SRA1: variants seen among roughly 807,000 people sequenced by gnomAD.
SRA1 encodes lncRNA SRA.
In SRA1, 25 loss-of-function variants were observed where a neutral mutation model predicts 24.3. That is an observed-to-expected ratio of 1.03 (90% CI 0.75 to 1.43). The LOEUF is 1.43. Among genes scored for constraint, SRA1 ranks in the 40% most tolerant of loss-of-function variants. SRA1 has a pLI of 0.00. For synonymous variants in SRA1, 104 were observed against 109.5 expected (o/e 0.95, Z 0.31); for missense variants, 303 against 286.6 (o/e 1.06, Z -0.41).
Position 140,550,628 on chromosome 5 carries a change from A to T in SRA1, c.*72T>A, listed in dbSNP as rs531756436. On this transcript the variant is annotated 3_prime_UTR_variant, in exon 5 of 5. Coordinates refer to ENST00000336283, the MANE Select transcript of SRA1 (RefSeq NM_001035235.4). ...CAGTGGGACAGTCTTGGTGGTGGTA[A>T]GAAGGGAGCCAAGTGACAGAAGGTC... 1 of 1,478,442 alleles carries T rather than the reference A, an allele frequency of 6.8e-7. No individual in the cohort carries two copies. Among genetic ancestry groups the T allele is most frequent in the African/African-American group, 1.4e-5 (1 of 71,872 alleles). 91.6% of individuals were successfully genotyped at this position (1,478,442 alleles called of 1,614,324 possible). A position where few individuals can be genotyped will look rare whatever the true frequency, so the allele number is the denominator to read the frequency against.
At chr5:140,557,657 T>G, upstream of SRA1, 4 of 617,536 alleles carry the variant, frequency 6.5e-6, no homozygotes, top group Non-Finnish European at 1.1e-5. Flanking sequence ...ATCAGGGCCC[T>G]GGTCACAAGG....
At position 140,550,438 on chromosome 5, in the gene SRA1, A is replaced by C; in HGVS notation, c.*262T>G. The C allele has an allele frequency of 1.9e-6, 1 of 535,932 alleles. No individual in the cohort carries two copies. The highest frequency in any genetic ancestry group is 3.3e-5 in the East Asian group (1 of 30,724). 33.2% of individuals were successfully genotyped at this position (535,932 alleles called of 1,614,324 possible). A position where few individuals can be genotyped will look rare whatever the true frequency, so the allele number is the denominator to read the frequency against. On this transcript the variant is annotated 3_prime_UTR_variant, in exon 5 of 5. Transcript: ENST00000336283. ...AGAGGTTTGCAGATACACAGGGAGC[A>C]GGGCAGTCGAGGACACCAGAGGGGA...
chr5:140,552,015 T>C lies in SRA1; in HGVS notation c.321A>G (p.Glu107=), dbSNP rs1754572795. ...AVMEDVLRPL[E]QALEDCRGHT... ...GGCCACGGCAGTCTTCCAATGCCTG[T>C]TCCAAAGGTCTCAGCACATCCTCCA... Residue 107 remains glutamate, a synonymous_variant, in exon 3 of 5, where the codon GAA becomes GAG. Coordinates refer to ENST00000336283, the MANE Select transcript of SRA1 (RefSeq NM_001035235.4). 1 of 1,611,272 alleles carries C rather than the reference T, an allele frequency of 6.2e-7. No individual in the cohort carries two copies. Among genetic ancestry groups the C allele is most frequent in the East Asian group, 2.2e-5 (1 of 44,642 alleles).
Position 140,552,345 on chromosome 5 carries a change from C to T in SRA1, c.152-161G>A, listed in dbSNP as rs801460. On this transcript the variant is annotated intron_variant, in intron 2 of 4. Transcript: ENST00000336283. Reference sequence around the variant, plus strand: ...TCTACGCCAGACAATATGCTAGGCACTAAAGATTAGAAAAGTAAACCAGGT... The same window carrying T: ...TCTACGCCAGACAATATGCTAGGCATTAAAGATTAGAAAAGTAAACCAGGT... 0.41 allele frequency among the ~76,000 whole-genome samples: 61,696 copies of T among 152,036 alleles called. 13,324 individuals carry two copies. Among genetic ancestry groups the T allele is most frequent in the East Asian group, 0.55 (2,871 of 5,186 alleles).
chr5:140,556,152 CAAAG>C (rs1397444936), intron 2 of SRA1, among the ~76,000 whole-genome samples: 2 of 152,240 alleles, frequency 1.3e-5, no homozygotes, highest in Non-Finnish European at 2.9e-5. Flanking sequence ...AAGTCCCTCA[CAAAG>C]AATTATCTGG....
At chr5:140,551,434 T>C in intron 3 of SRA1, 3 of 403,544 alleles carry the variant, frequency 7.4e-6, no homozygotes, top group South Asian at 4.6e-5. Context: ...CCAGTCTTCC[T>C]AACCCACCTC....
chr5:140,553,571 G>T (rs1386393594), intron 2 of SRA1, among the ~76,000 whole-genome samples: 1 of 152,190 alleles, frequency 6.6e-6, no homozygotes, highest in Non-Finnish European at 1.5e-5. Context: ...GGTAAGCAGA[G>T]GGTCCAGACC....
intron 3 of SRA1, chr5:140,551,781 T>C: frequency 2.0e-6 from 1 of 510,300 alleles, no homozygotes; most frequent in Non-Finnish European, 3.5e-6. Flanking sequence ...CTTCTACTGA[T>C]TGGTCTTCAA....
chr5:140,557,796 C>G, upstream of SRA1: 1 of 454,020 alleles, frequency 2.2e-6, no homozygotes, highest in Non-Finnish European at 3.9e-6. Context: ...ACTTCTACAG[C>G]CTCCTCTTGC....
intron 2 of SRA1, among the ~76,000 whole-genome samples, 181 bp from the exon 3 acceptor site, chr5:140,552,365 C>A (rs994635541): frequency 6.6e-6 from 1 of 152,136 alleles, no homozygotes; most frequent in Non-Finnish European, 1.5e-5. Flanking sequence ...GAAAAGTAAA[C>A]CAGGTGGCCG....
chr5:140,551,274 C>T, intron 3 of SRA1, 105 bp from the exon 4 acceptor site: 2 of 794,162 alleles, frequency 2.5e-6, no homozygotes, highest in East Asian at 2.6e-5. Flanking sequence ...CTGGCCCACA[C>T]TTTAGAATTC....
At chr5:140,553,983 A>G (rs1754627464) in intron 2 of SRA1, among the ~76,000 whole-genome samples, 1 of 152,192 alleles carries the variant, frequency 6.6e-6, no homozygotes, top group South Asian at 2.1e-4. Flanking sequence ...AACATCCACA[A>G]GGATGATTAA....
chr5:140,556,930 G>GA (rs1754720790), intron 2 of SRA1, among the ~76,000 whole-genome samples: 2 of 152,188 alleles, frequency 1.3e-5, no homozygotes, highest in African/African-American at 4.8e-5. Context: ...CATCTAGGAT[G>GA]AAAAAATAGT....
In SRA1 at chr5:140,550,791, C is replaced by CTTT; in HGVS notation, c.583_584insAAA (p.Arg194_Ser195insLys). The CTTT allele has an allele frequency of 6.2e-7, 1 of 1,614,138 alleles. No individual in the cohort carries two copies. The highest frequency in any genetic ancestry group is 2.2e-5 in the East Asian group (1 of 44,888). The stretch of plus-strand genomic sequence containing the variant: ...ATTGGCTGCCTCCTCTGAAAACAGA[C>CTTT]TCCTCTTTTCTGCAATTAATCTTTT... On this transcript the variant is annotated inframe_insertion, in exon 5 of 5. Coordinates refer to ENST00000336283, the MANE Select transcript of SRA1 (RefSeq NM_001035235.4).
At chr5:140,550,992 G>A (rs1385715225) in intron 4 of SRA1, 69 bp downstream of exon 4, 2 of 1,576,182 alleles carry the variant, frequency 1.3e-6, no homozygotes, top group Non-Finnish European at 1.7e-6. Flanking sequence ...CAAAATCTCA[G>A]CACCTGCTCC....
chr5:140,557,189 G>A lies in SRA1; in HGVS notation c.109C>T (p.Leu37Phe). 6.2e-7 allele frequency: 1 copy of A among 1,611,716 alleles called. No individual in the cohort carries two copies. Among genetic ancestry groups the A allele is most frequent in the Non-Finnish European group, 8.5e-7 (1 of 1,179,350 alleles). The change falls in exon 2 of 5, where the codon CTT becomes TTT. Residue 37 changes from leucine to phenylalanine, a missense_variant. Coordinates refer to ENST00000336283, the MANE Select transcript of SRA1 (RefSeq NM_001035235.4). ...TQAGGPRRSL[L>F]TKRVAAPQDG... ...TGGGGTGCGGCGACCCTCTTGGTAA[G>A]CAGCGAGCGCCTGGGTCCGCCGGCC... is the stretch of plus-strand genomic sequence containing the variant.
chr5:140,557,535 C>T (rs571026874), upstream of SRA1: 2 of 1,480,180 alleles, frequency 1.4e-6, no homozygotes, highest in Admixed American at 2.3e-5. Flanking sequence ...CGTCCAGGGC[C>T]AGGCGGGTTG....
rs761255107 is a variant in SRA1 at position 140,551,967 on chromosome 5, T to C, written c.354+15A>G. On this transcript the variant is annotated intron_variant, in intron 3 of 4. Transcript: ENST00000336283. ...GATGGGAGCCCTCTCTAACCTCTGA[T>C]GTGCCAGAGCTTACCCTTGTGTGGC... The C allele has an allele frequency of 5.8e-5, 93 of 1,611,338 alleles. No homozygotes were observed. Among genetic ancestry groups the C allele is most frequent in the Non-Finnish European group, 7.3e-5 (86 of 1,178,208 alleles).
chr5:140,554,310 A>G (rs1011910230), intron 2 of SRA1, among the ~76,000 whole-genome samples: 3 of 152,146 alleles, frequency 2.0e-5, no homozygotes, highest in African/African-American at 7.2e-5. Context: ...AAGGTACCAA[A>G]TACTGCCTGG....
Sources: allele counts gnomAD v4.1 joint callset (sites outside exome capture counted in the v4.1 genomes callset), GRCh38; gene constraint gnomAD v4.1.1; transcripts MANE v1.5; gene names NCBI Gene and HGNC (gene_info 2026-07-23, HGNC 2026-07-21).